DAB2IP: variants seen among roughly 807,000 people sequenced by gnomAD.
DAB2IP encodes DAB2 interacting protein.
Under a neutral mutation model 107.2 loss-of-function variants are expected in DAB2IP, and 28 were observed. That is an observed-to-expected ratio of 0.26 (90% CI 0.19 to 0.36). The LOEUF is 0.36. Ranked by LOEUF, DAB2IP falls within the 10% of genes least tolerant of loss-of-function variation. DAB2IP has a pLI of 1.00. For synonymous variants in DAB2IP, 755 were observed against 706.4 expected (o/e 1.07, Z -1.09); for missense variants, 1,400 against 1,644.7 (o/e 0.85, Z 2.57).
At chr9:121,592,393 G>T (rs1321147798) in intron 1 of DAB2IP, among the ~76,000 whole-genome samples, 1 of 151,900 alleles carries the variant, frequency 6.6e-6, no homozygotes, top group Non-Finnish European at 1.5e-5. Context: ...AAGAAAAATG[G>T]CAGATCTTAA....
chr9:121,710,029 G>C (rs1461801003), intron 3 of DAB2IP, among the ~76,000 whole-genome samples: 1 of 152,076 alleles, frequency 6.6e-6, no homozygotes, highest in East Asian at 1.9e-4. Context: ...TGCAGTCCCT[G>C]GTTCACAGCC....
Position 121,639,512 on chromosome 9 carries a change from G to A in DAB2IP, c.41-39166G>A, listed in dbSNP as rs184160760. ...GGGCATAGGGACCAGAACAAAGAAT[G>A]CCAGTCACGGCTGCTGCCTGGCCCT... On this transcript the variant is annotated intron_variant, in intron 1 of 16. Transcript: ENST00000259371. Among the ~76,000 whole-genome samples, 3 of 152,272 alleles carry A rather than the reference G, an allele frequency of 2.0e-5. 1 individual carries two copies. Among genetic ancestry groups the A allele is most frequent in the Admixed American group, 2.0e-4 (3 of 15,306 alleles).
intron 1 of DAB2IP, among the ~76,000 whole-genome samples, chr9:121,594,496 C>G (rs528519836): frequency 6.6e-6 from 1 of 152,284 alleles, no homozygotes; most frequent in African/African-American, 2.4e-5. Context: ...CTCGGCCTCC[C>G]AAAGTGCTGG....
At chr9:121,585,846 T>TCAAA (rs540921133) in intron 1 of DAB2IP, among the ~76,000 whole-genome samples, 1 of 71,202 alleles carries the variant, frequency 1.4e-5, no homozygotes, top group African/African-American at 5.3e-5. Flanking sequence ...GGTTAGGGAT[T>TCAAA]TAAAAAAAAA....
At chr9:121,605,885 A>G (rs1433691845) in intron 1 of DAB2IP, among the ~76,000 whole-genome samples, 2 of 152,212 alleles carry the variant, frequency 1.3e-5, no homozygotes, top group Non-Finnish European at 2.9e-5. Context: ...TCGGGGGCCC[A>G]CAGACATGGT....
intron 1 of DAB2IP, among the ~76,000 whole-genome samples, chr9:121,603,626 G>A (rs529830366): frequency 6.6e-6 from 1 of 152,252 alleles, no homozygotes; most frequent in East Asian, 1.9e-4. Flanking sequence ...CTATCTGGTT[G>A]TGGCTTTGGT....
chr9:121,659,760 C>T (rs2119086822), intron 1 of DAB2IP, among the ~76,000 whole-genome samples: 1 of 152,212 alleles, frequency 6.6e-6, no homozygotes, highest in East Asian at 1.9e-4. Context: ...CGCCACTGCA[C>T]TCCAGCCTGG....
intron 1 of DAB2IP, among the ~76,000 whole-genome samples, chr9:121,572,602 G>T (rs1024866278): frequency 3.9e-5 from 6 of 152,102 alleles, no homozygotes; most frequent in Non-Finnish European, 7.3e-5. Flanking sequence ...AGCTCTCTCG[G>T]TTATTGGGTG....
At chr9:121,737,470 G>T (rs2118879894) in intron 3 of DAB2IP, 1 of 985,470 alleles carries the variant, frequency 1.0e-6, no homozygotes, top group Non-Finnish European at 1.2e-6. Flanking sequence ...CCTCTTAGAT[G>T]CCGGCCCGGC....
At chr9:121,705,349 T>G (rs1301509001) in intron 3 of DAB2IP, among the ~76,000 whole-genome samples, 1 of 152,252 alleles carries the variant, frequency 6.6e-6, no homozygotes. Context: ...TTTAATTGAG[T>G]TAATACAGGT....
chr9:121,728,058 A>G (rs1020834312), intron 3 of DAB2IP, among the ~76,000 whole-genome samples: 3 of 152,090 alleles, frequency 2.0e-5, no homozygotes, highest in African/African-American at 7.2e-5. Flanking sequence ...CATACAGGGG[A>G]TGGTTAAAGT....
intron 2 of DAB2IP, among the ~76,000 whole-genome samples, chr9:121,683,712 A>G (rs1204337062): frequency 4.6e-5 from 7 of 152,144 alleles, no homozygotes; most frequent in Non-Finnish European, 8.8e-5. Context: ...GGTTGTGCAC[A>G]CCCTGCATAG....
chr9:121,606,546 C>T (rs944274866), intron 1 of DAB2IP, among the ~76,000 whole-genome samples: 3 of 152,158 alleles, frequency 2.0e-5, no homozygotes, highest in African/African-American at 7.2e-5. Flanking sequence ...CTCAGGACTT[C>T]CCTGACTCCC....
intron 1 of DAB2IP, among the ~76,000 whole-genome samples, chr9:121,577,350 G>A (rs779537017): frequency 8.5e-5 from 13 of 152,176 alleles, no homozygotes; most frequent in Non-Finnish European, 1.5e-4. Flanking sequence ...TGGCCGGATC[G>A]CCAGCACCCC....
chr9:121,680,743 C>CTTT (rs78934765), intron 2 of DAB2IP, among the ~76,000 whole-genome samples: 2 of 143,842 alleles, frequency 1.4e-5, no homozygotes, highest in Non-Finnish European at 3.1e-5. Flanking sequence ...TTTTTTTTTT[C>CTTT]TTTTTTTTTT....
intron 1 of DAB2IP, among the ~76,000 whole-genome samples, chr9:121,656,667 G>T (rs909256561): frequency 3.3e-5 from 5 of 152,058 alleles, no homozygotes; most frequent in Admixed American, 3.3e-4. Context: ...TTTTTGTTAC[G>T]GCTCCTGTGT....
rs1041465986 is a variant in DAB2IP at position 121,627,587 on chromosome 9, C to T, written c.41-51091C>T. ...CTGTGGCTGTGTACTCTCCTGGCAG[C>T]AGGATGTGAGAGTCGGTGGGTCATG... is the stretch of plus-strand genomic sequence containing the variant. On this transcript the variant is annotated intron_variant, in intron 1 of 16. Coordinates refer to the DAB2IP transcript ENST00000259371. 5.3e-5 allele frequency among the ~76,000 whole-genome samples: 8 copies of T among 152,206 alleles called. No individual in the cohort carries two copies. The South Asian group carries it at 1.5e-3, about 28-fold the overall frequency.
At chr9:121,663,498 A>T (rs1833291705) in intron 1 of DAB2IP, among the ~76,000 whole-genome samples, 1 of 152,108 alleles carries the variant, frequency 6.6e-6, no homozygotes, top group South Asian at 2.1e-4. Context: ...CTGGATGCTG[A>T]GCCCTCTACA....
At chr9:121,652,882 C>T (rs1351311479) in intron 1 of DAB2IP, among the ~76,000 whole-genome samples, 3 of 152,134 alleles carry the variant, frequency 2.0e-5, no homozygotes, top group Non-Finnish European at 4.4e-5. Flanking sequence ...ATGAAGCAGG[C>T]AGGTAGTGTT....
Sources: allele counts gnomAD v4.1 joint callset (sites outside exome capture counted in the v4.1 genomes callset), GRCh38; gene constraint gnomAD v4.1.1; transcripts MANE v1.5; gene names NCBI Gene and HGNC (gene_info 2026-07-23, HGNC 2026-07-21).